The following WDFY4 variants were observed in gnomAD, a reference collection of about 807,000 sequenced individuals.
WDFY4 encodes the protein WD repeat- and FYVE domain-containing protein 4.
In WDFY4, 169 loss-of-function variants were observed where a neutral mutation model predicts 351.9. The observed-to-expected ratio is 0.48, with a 90% confidence interval of 0.42 to 0.55. The LOEUF is 0.55. WDFY4 is among the 20% of genes least tolerant of loss of function. The pLI, the probability that WDFY4 is intolerant of heterozygous loss-of-function variation, is 0.00. For synonymous variants in WDFY4, 1,622 were observed against 1,574.6 expected (o/e 1.03, Z -0.71); for missense variants, 3,803 against 3,935.6 (o/e 0.97, Z 0.90).
In WDFY4 at chr10:48,819,383, G is replaced by A. The variant is rs559269700; in HGVS notation, c.5506-851G>A. Among the ~76,000 whole-genome samples, 302 of 152,292 alleles carry A rather than the reference G, an allele frequency of 2.0e-3. 2 individuals are homozygous for A. The highest frequency in any genetic ancestry group is 6.9e-3 in the African/African-American group (287 of 41,552). On this transcript the variant is annotated intron_variant, in intron 32 of 61. Coordinates refer to ENST00000325239, the MANE Select transcript of WDFY4 (RefSeq NM_001394531.1). ...ATATGGCATCTTTCCAATCAAGGCC[G>A]CACGGAGCTAATTAATGCAGTCACT...
chr10:48,762,033 C>T (rs1332780708), intron 13 of WDFY4, among the ~76,000 whole-genome samples: 2 of 152,178 alleles, frequency 1.3e-5, no homozygotes, highest in Non-Finnish European at 2.9e-5. Flanking sequence ...GAAGTGGCTT[C>T]CAGAGGATGA....
intron 39 of WDFY4, among the ~76,000 whole-genome samples, chr10:48,850,191 C>A (rs1427996385): frequency 4.6e-5 from 7 of 152,228 alleles, no homozygotes; most frequent in African/African-American, 1.7e-4. Flanking sequence ...CCTTTCCACA[C>A]TTGATACTTT....
chr10:48,823,615 G>A (rs2067901992), intron 35 of WDFY4: 1 of 1,029,294 alleles, frequency 9.7e-7, no homozygotes, highest in Non-Finnish European at 1.2e-6. Flanking sequence ...AATAGCCCTT[G>A]TCAGCTCTGT....
At chr10:48,694,110 C>G (rs1010984542) in intron 1 of WDFY4, among the ~76,000 whole-genome samples, 2 of 152,148 alleles carry the variant, frequency 1.3e-5, no homozygotes, top group Non-Finnish European at 2.9e-5. Context: ...GTGACCAAAC[C>G]AAGCCATCTG....
At chr10:48,781,316 G>A (rs980488715) in intron 19 of WDFY4, among the ~76,000 whole-genome samples, 1 of 151,332 alleles carries the variant, frequency 6.6e-6, no homozygotes, top group Non-Finnish European at 1.5e-5. Flanking sequence ...GTTTTTTTGA[G>A]ATAGGATTTC....
chr10:48,972,858 T>G (rs1842396636), intron 57 of WDFY4, among the ~76,000 whole-genome samples: 1 of 152,234 alleles, frequency 6.6e-6, no homozygotes, highest in Non-Finnish European at 1.5e-5. Flanking sequence ...TGCTATCGTT[T>G]TTTGCTACTA....
chr10:48,922,449 T>C (rs951093852), intron 47 of WDFY4, among the ~76,000 whole-genome samples: 15 of 152,170 alleles, frequency 9.9e-5, no homozygotes, highest in African/African-American at 3.6e-4. Context: ...AAAAAACAAA[T>C]CATATGCTGA....
intron 39 of WDFY4, among the ~76,000 whole-genome samples, chr10:48,855,302 C>A (rs1011535911): frequency 6.6e-6 from 1 of 152,122 alleles, no homozygotes; most frequent in Non-Finnish European, 1.5e-5. Flanking sequence ...TGACTCCATG[C>A]CTCCTTCCAG....
Position 48,888,373 on chromosome 10 carries a change from T to C in WDFY4, c.7168-2206T>C, listed in dbSNP as rs1326133571. ...TTTCTTCTTTTTGCTTTCCAGTTAG[T>C]CCAGTAGCAGCTCCTGTCAATTCTC... On this transcript the variant is annotated intron_variant, in intron 43 of 61. Coordinates refer to ENST00000325239, the MANE Select transcript of WDFY4 (RefSeq NM_001394531.1). Among the ~76,000 whole-genome samples the C allele has an allele frequency of 3.3e-5, 5 of 151,456 alleles. No individual in the cohort carries two copies. In the South Asian group the frequency reaches 1.1e-3, roughly 32 times the overall value.
intron 32 of WDFY4, among the ~76,000 whole-genome samples, chr10:48,818,668 A>G (rs1388113361): frequency 6.6e-6 from 1 of 152,266 alleles, no homozygotes; most frequent in Non-Finnish European, 1.5e-5. Flanking sequence ...TCAGTTTAAA[A>G]TAAAATTAAA....
intron 30 of WDFY4, among the ~76,000 whole-genome samples, chr10:48,812,037 C>A (rs1363241475): frequency 1.3e-5 from 2 of 152,212 alleles, no homozygotes; most frequent in Admixed American, 1.3e-4. Context: ...ACCCCAGCCC[C>A]TCATCCTCAA....
intron 45 of WDFY4, among the ~76,000 whole-genome samples, chr10:48,899,689 G>C (rs926416637): frequency 4.6e-5 from 7 of 152,196 alleles, no homozygotes; most frequent in African/African-American, 1.7e-4. Flanking sequence ...AAAAAGAAAA[G>C]ATAGTTATGT....
chr10:48,717,696 A>G (rs4838644), intron 2 of WDFY4, among the ~76,000 whole-genome samples: 108,005 of 152,158 alleles, frequency 0.71, 39,451 homozygotes, highest in East Asian at 0.99. Context: ...TCCAGTCAAC[A>G]TTCTATTTCT....
intron 10 of WDFY4, 108 bp from the exon 11 acceptor site, chr10:48,735,772 T>G (rs113045717): frequency 5.2e-5 from 61 of 1,167,402 alleles, no homozygotes; most frequent in Non-Finnish European, 6.8e-5. Flanking sequence ...AAACAAAAAA[T>G]AGCAAAATGA....
intron 1 of WDFY4, among the ~76,000 whole-genome samples, chr10:48,687,461 A>T (rs1219395510): frequency 6.6e-6 from 1 of 152,198 alleles, no homozygotes; most frequent in African/African-American, 2.4e-5. Flanking sequence ...TTTTCAAAAA[A>T]TGTTATAATA....
intron 2 of WDFY4, among the ~76,000 whole-genome samples, chr10:48,713,179 A>AT (rs2132227350): frequency 6.6e-6 from 1 of 152,200 alleles, no homozygotes; most frequent in South Asian, 2.1e-4. Context: ...GCGGTGATCT[A>AT]TGTTGTAGTT....
At chr10:48,854,415 C>CT (rs946329458) in intron 39 of WDFY4, among the ~76,000 whole-genome samples, 85 of 151,226 alleles carry the variant, frequency 5.6e-4, no homozygotes, top group African/African-American at 1.9e-3. Flanking sequence ...AGCCCTAAGT[C>CT]TTTTTTTTTC....
intron 49 of WDFY4, among the ~76,000 whole-genome samples, chr10:48,945,203 C>T (rs988804827): frequency 2.0e-5 from 3 of 152,106 alleles, no homozygotes; most frequent in Non-Finnish European, 2.9e-5. Context: ...TAGTGAGACC[C>T]TGTCTCTATC....
intron 35 of WDFY4, 35 bp from the exon 36 acceptor site, chr10:48,826,636 A>G (rs2068020681): frequency 6.7e-7 from 1 of 1,487,718 alleles, no homozygotes; most frequent in Non-Finnish European, 9.2e-7. Flanking sequence ...AGCACTCACA[A>G]GTTTGTGTAT....
Sources: gnomAD v4.1 joint callset for allele counts (sites outside exome capture counted in the v4.1 genomes callset) on GRCh38, gnomAD v4.1.1 for gene constraint, MANE v1.5 for transcripts, NCBI Gene and HGNC (gene_info 2026-07-23, HGNC 2026-07-21) for gene names.